Variants in AKAP6 observed in about 807,000 individuals in gnomAD.
The protein encoded by AKAP6 is A-kinase anchor protein 6.
Under a neutral mutation model 188.5 loss-of-function variants are expected in AKAP6, and 58 were observed. The ratio of observed to expected loss-of-function variants is 0.31; its 90% CI spans 0.25 to 0.38. AKAP6 has a LOEUF of 0.38. Ranked by LOEUF, AKAP6 falls within the 10% of genes least tolerant of loss-of-function variation. The pLI is 1.00. For synonymous variants in AKAP6, 989 were observed against 998.6 expected, an observed-to-expected ratio of 0.99 and a Z score of 0.18; for missense variants, 2,710 against 2,740.0, an observed-to-expected ratio of 0.99 and a Z score of 0.24.
At chr14:32,388,903 C>G (rs1888618003) in intron 1 of AKAP6, among the ~76,000 whole-genome samples, 1 of 152,020 alleles carries the variant, frequency 6.6e-6, no homozygotes, top group African/African-American at 2.4e-5. Context: ...TCAATTGTTT[C>G]TTTGTTGATT....
intron 2 of AKAP6, among the ~76,000 whole-genome samples, chr14:32,465,906 T>C (rs1878391703): frequency 6.6e-6 from 1 of 151,920 alleles, no homozygotes; most frequent in Non-Finnish European, 1.5e-5. Context: ...CTCATCAAAA[T>C]GTGGGAGAAG....
intron 1 of AKAP6, among the ~76,000 whole-genome samples, chr14:32,380,506 G>A (rs1031687448): frequency 3.3e-5 from 5 of 152,178 alleles, no homozygotes; most frequent in Admixed American, 3.3e-4. Context: ...GATTTTGAAA[G>A]GTCTTTTCTA....
chr14:32,776,464 G>A (rs1421745920), intron 12 of AKAP6, among the ~76,000 whole-genome samples: 15 of 152,052 alleles, frequency 9.9e-5, no homozygotes, highest in Admixed American at 6.5e-4. Flanking sequence ...ATGGAACTGT[G>A]AGTTCATTAA....
chr14:32,710,686 A>G (rs2139750378), intron 9 of AKAP6, among the ~76,000 whole-genome samples: 1 of 152,194 alleles, frequency 6.6e-6, no homozygotes, highest in Admixed American at 6.6e-5. Flanking sequence ...GATCATTGAA[A>G]CATTTTAGGC....
At chr14:32,357,543 T>A (rs1887522109) in intron 1 of AKAP6, among the ~76,000 whole-genome samples, 1 of 152,224 alleles carries the variant, frequency 6.6e-6, no homozygotes, top group Admixed American at 6.5e-5. Flanking sequence ...GTCAGGAATA[T>A]GTGCAAGTCT....
intron 7 of AKAP6, among the ~76,000 whole-genome samples, chr14:32,619,868 C>T (rs1886742165): frequency 6.6e-6 from 1 of 152,064 alleles, no homozygotes; most frequent in Admixed American, 6.6e-5. Context: ...TTGTAGTTCT[C>T]CTTGTAGAGA....
Position 32,545,700 on chromosome 14 carries a change from T to C in AKAP6, c.1047T>C (p.Ser349=). ...CTGAGACTGTGCAGCAAGAATCCAG[T>C]TCCTCCTCCCATCATGATGCAAAGA... ...PSSETVQQES[S]SSSHHDAKNQ... Residue 349 remains serine (S), a synonymous_variant, in exon 4 of 14, where the codon AGT becomes AGC. Coordinates refer to ENST00000280979, the MANE Select transcript of AKAP6 (RefSeq NM_004274.5). 1 of 1,614,168 alleles carries C rather than the reference T, an allele frequency of 6.2e-7. No individual in the cohort carries two copies. The highest frequency in any genetic ancestry group is 8.5e-7 in the Non-Finnish European group (1 of 1,180,026).
Position 32,832,794 on chromosome 14 carries a change from A to G in AKAP6, c.*2989A>G, listed in dbSNP as rs545459310. 1.2e-4 allele frequency: 18 copies of G among 152,526 alleles called. No homozygotes were observed. Among genetic ancestry groups the G allele is most frequent in the Non-Finnish European group, 1.9e-4 (13 of 68,018 alleles). The allele number at this position is 152,526 out of a possible 1,614,324, so 9.4% of individuals were successfully genotyped here. A position where few individuals can be genotyped will look rare whatever the true frequency, so the allele number is the denominator to read the frequency against. ...AGATTATCTTTACTCCCTCTTTCTC[A>G]TGGCAACCCTGAAGATAATCAAGGC... On this transcript the variant is annotated 3_prime_UTR_variant, in exon 14 of 14. Coordinates refer to ENST00000280979, the MANE Select transcript of AKAP6 (RefSeq NM_004274.5).
chr14:32,624,698 C>T (rs1433821330), intron 7 of AKAP6, among the ~76,000 whole-genome samples: 1 of 152,074 alleles, frequency 6.6e-6, no homozygotes, highest in Non-Finnish European at 1.5e-5. Flanking sequence ...CTAAGTAAGA[C>T]AAACAACCCT....
intron 2 of AKAP6, among the ~76,000 whole-genome samples, chr14:32,451,847 G>T (rs1566510079): frequency 6.6e-6 from 1 of 151,918 alleles, no homozygotes; most frequent in African/African-American, 2.4e-5. Context: ...GGACAGCAAA[G>T]ATTTCCAAAT....
intron 9 of AKAP6, among the ~76,000 whole-genome samples, chr14:32,697,005 T>A (rs57413135): frequency 0.025 from 3,825 of 152,170 alleles, 166 homozygotes; most frequent in African/African-American, 0.088. Flanking sequence ...AAAAATAAAA[T>A]TAATAACTAA....
At chr14:32,772,088 CAGAG>C (rs2032915936) in intron 11 of AKAP6, among the ~76,000 whole-genome samples, 1 of 151,686 alleles carries the variant, frequency 6.6e-6, no homozygotes. Context: ...AAAGAAGAGA[CAGAG>C]AGGGAGAGAG....
intron 12 of AKAP6, among the ~76,000 whole-genome samples, chr14:32,786,347 G>A (rs149754655): frequency 0.075 from 7,268 of 97,346 alleles, 397 homozygotes; most frequent in East Asian, 0.32. Context: ...TTGCTCTGTC[G>A]CCAAGGCTGG....
intron 7 of AKAP6, among the ~76,000 whole-genome samples, chr14:32,651,511 G>A (rs1888227058): frequency 6.6e-6 from 1 of 152,162 alleles, no homozygotes; most frequent in Non-Finnish European, 1.5e-5. Context: ...GCTGGGAAGT[G>A]AAGTCCAAGG....
At chr14:32,373,148 G>C (rs1052198208) in intron 1 of AKAP6, among the ~76,000 whole-genome samples, 7 of 152,068 alleles carry the variant, frequency 4.6e-5, no homozygotes, top group African/African-American at 1.7e-4. Flanking sequence ...CTTGCCTGCT[G>C]CCTAGACAGA....
At chr14:32,423,461 G>A (rs565207765) in intron 1 of AKAP6, among the ~76,000 whole-genome samples, 1 of 152,206 alleles carries the variant, frequency 6.6e-6, no homozygotes, top group South Asian at 2.1e-4. Context: ...TTACAGGCAT[G>A]AGCCACCATG....
chr14:32,788,475 GAA>G (rs775322460), intron 12 of AKAP6, among the ~76,000 whole-genome samples: 4 of 152,190 alleles, frequency 2.6e-5, no homozygotes, highest in Non-Finnish European at 4.4e-5. Context: ...ATCTCACATT[GAA>G]ACTAACTAAG....
chr14:32,598,816 G>C (rs1356948835), intron 5 of AKAP6, among the ~76,000 whole-genome samples: 1 of 152,090 alleles, frequency 6.6e-6, no homozygotes, highest in Non-Finnish European at 1.5e-5. Context: ...GCCGGATTGT[G>C]CTTGATGTAT....
chr14:32,492,490 T>C (rs1238486819), intron 2 of AKAP6, among the ~76,000 whole-genome samples: 3 of 151,950 alleles, frequency 2.0e-5, no homozygotes, highest in Non-Finnish European at 2.9e-5. Flanking sequence ...CTTAGGAATA[T>C]GTTTCAAATA....
Sources: gnomAD v4.1 joint callset for allele counts (sites outside exome capture counted in the v4.1 genomes callset) on GRCh38, gnomAD v4.1.1 for gene constraint, MANE v1.5 for transcripts, NCBI Gene and HGNC (gene_info 2026-07-23, HGNC 2026-07-21) for gene names.